The following CNTN5 variants were observed in gnomAD, a reference collection of about 807,000 sequenced individuals.
CNTN5 encodes the protein contactin 5, also known as contactin-5.
CNTN5 carries 77 observed loss-of-function variants against 129.1 expected under a neutral mutation model. That is an observed-to-expected ratio of 0.60 (90% confidence interval 0.50 to 0.72). The LOEUF (loss-of-function observed/expected upper bound fraction) is 0.72, where lower values mean the gene tolerates loss of function less well. Ranked by LOEUF, CNTN5 falls within the 30% of genes least tolerant of loss-of-function variation. CNTN5 has a pLI of 0.00. For synonymous variants in CNTN5, 509 were observed against 465.6 expected (o/e 1.09, Z -1.20); for missense variants, 1,478 against 1,328.8 (o/e 1.11, Z -1.75).
intron 3 of CNTN5, among the ~76,000 whole-genome samples, chr11:99,580,301 T>A (rs1949528769): frequency 6.6e-6 from 1 of 152,138 alleles, no homozygotes; most frequent in Admixed American, 6.5e-5. Context: ...CTTTTTTTGT[T>A]GTGTCTCTGC....
chr11:99,518,951 C>T (rs139407081), intron 2 of CNTN5, among the ~76,000 whole-genome samples: 1 of 152,002 alleles, frequency 6.6e-6, no homozygotes, highest in Admixed American at 6.6e-5. Flanking sequence ...CTTCTAATTT[C>T]TTCTTCATAC....
Position 99,943,321 on chromosome 11 carries a change from G to A in CNTN5, c.674-13485G>A, listed in dbSNP as rs138240383. Among the ~76,000 whole-genome samples, 1,117 of 152,134 alleles carry A rather than the reference G, an allele frequency of 7.3e-3. 15 individuals are homozygous for A. Among genetic ancestry groups the A allele is most frequent in the African/African-American group, 0.025 (1,044 of 41,492 alleles). On this transcript the variant is annotated intron_variant, in intron 7 of 24. Transcript: ENST00000524871. ...GCTTTTTTTCATATGTTTGTTGGCCGCATAAATGTCTTCTTCTGAGAAGTG... is the reference window on the plus strand; with the variant it reads ...GCTTTTTTTCATATGTTTGTTGGCCACATAAATGTCTTCTTCTGAGAAGTG...
chr11:100,227,453 AT>A (rs745869689), intron 16 of CNTN5, among the ~76,000 whole-genome samples: 1 of 151,924 alleles, frequency 6.6e-6, no homozygotes, highest in African/African-American at 2.4e-5. Flanking sequence ...TTTAAGGACT[AT>A]TTTTTCCTCA....
intron 1 of CNTN5, among the ~76,000 whole-genome samples, chr11:99,214,517 T>C (rs1335132680): frequency 2.0e-5 from 3 of 151,460 alleles, no homozygotes; most frequent in Non-Finnish European, 1.5e-5. Flanking sequence ...CTTTAATATG[T>C]GTAATAAATT....
At chr11:99,802,549 G>A (rs912633115) in intron 3 of CNTN5, among the ~76,000 whole-genome samples, 5 of 152,182 alleles carry the variant, frequency 3.3e-5, no homozygotes, top group African/African-American at 1.2e-4. Flanking sequence ...CTATGTACAA[G>A]GTTGGAGTCG....
intron 13 of CNTN5, among the ~76,000 whole-genome samples, chr11:100,139,221 G>C (rs948431830): frequency 6.6e-6 from 1 of 152,128 alleles, no homozygotes; most frequent in Non-Finnish European, 1.5e-5. Flanking sequence ...TCACCATATA[G>C]ATTATAATTA....
chr11:99,565,080 T>C (rs749485684), intron 3 of CNTN5, among the ~76,000 whole-genome samples: 5 of 152,206 alleles, frequency 3.3e-5, no homozygotes, highest in Non-Finnish European at 7.3e-5. Flanking sequence ...GAAATATAAA[T>C]TGTTCTTTAT....
intron 2 of CNTN5, among the ~76,000 whole-genome samples, chr11:99,385,579 T>C (rs1940877245): frequency 3.9e-5 from 6 of 152,176 alleles, no homozygotes; most frequent in Admixed American, 3.9e-4. Flanking sequence ...TATGACATAG[T>C]AGAGAGAGAA....
chr11:100,295,002 C>A (rs1213524161), intron 18 of CNTN5, among the ~76,000 whole-genome samples: 1 of 151,652 alleles, frequency 6.6e-6, no homozygotes, highest in Non-Finnish European at 1.5e-5. Context: ...CAACAAAACA[C>A]TGCGTGAGCT....
At chr11:100,315,073 A>C (rs1951550727) in intron 21 of CNTN5, among the ~76,000 whole-genome samples, 1 of 152,068 alleles carries the variant, frequency 6.6e-6, no homozygotes, top group African/African-American at 2.4e-5. Flanking sequence ...TTCAATCCTC[A>C]ACTAGGGTCT....
At chr11:99,624,531 A>G (rs1951062132) in intron 3 of CNTN5, among the ~76,000 whole-genome samples, 2 of 152,140 alleles carry the variant, frequency 1.3e-5, no homozygotes, top group Admixed American at 6.5e-5. Flanking sequence ...GTGAACATAA[A>G]ATTTGAGAAA....
intron 1 of CNTN5, among the ~76,000 whole-genome samples, chr11:99,084,343 T>C (rs1212618055): frequency 6.6e-6 from 1 of 152,238 alleles, no homozygotes; most frequent in Non-Finnish European, 1.5e-5. Context: ...GTTCATGTAT[T>C]AGAAATCCTA....
intron 20 of CNTN5, among the ~76,000 whole-genome samples, chr11:100,304,075 T>A (rs1023563807): frequency 6.6e-6 from 1 of 151,588 alleles, no homozygotes; most frequent in African/African-American, 2.4e-5. Flanking sequence ...CCATATTACA[T>A]GAAGAACTCC....
At chr11:100,201,603 A>C (rs917881448) in intron 15 of CNTN5, among the ~76,000 whole-genome samples, 2 of 151,764 alleles carry the variant, frequency 1.3e-5, no homozygotes, top group African/African-American at 4.8e-5. Context: ...ATAATTTTTC[A>C]ATATATCTCT....
intron 7 of CNTN5, among the ~76,000 whole-genome samples, chr11:99,931,307 A>C (rs1036959073): frequency 3.3e-5 from 5 of 152,230 alleles, no homozygotes; most frequent in Non-Finnish European, 5.9e-5. Context: ...TTTTTAAACT[A>C]TCTGACAAAA....
At chr11:99,815,764 G>T (rs1397222289) in intron 3 of CNTN5, among the ~76,000 whole-genome samples, 1 of 152,142 alleles carries the variant, frequency 6.6e-6, no homozygotes, top group African/African-American at 2.4e-5. Context: ...GTGGGTCTCT[G>T]TTGAGGATGA....
chr11:99,325,531 T>TG (rs2136009109), intron 2 of CNTN5, 47 bp downstream of exon 2: 1 of 152,224 alleles, frequency 6.6e-6, no homozygotes, highest in African/African-American at 2.4e-5. Flanking sequence ...AAAGACATGT[T>TG]GAAAAAAAAT....
intron 7 of CNTN5, among the ~76,000 whole-genome samples, chr11:99,932,943 C>A (rs2136081781): frequency 6.6e-6 from 1 of 152,256 alleles, no homozygotes; most frequent in South Asian, 2.1e-4. Context: ...TCTTATTTTT[C>A]CTACTCGATG....
chr11:99,974,944 C>G (rs1207735937), intron 8 of CNTN5, among the ~76,000 whole-genome samples: 7 of 152,100 alleles, frequency 4.6e-5, no homozygotes, highest in Admixed American at 3.9e-4. Flanking sequence ...TAAATGAAAG[C>G]CAACATAAAT....
Sources: allele counts gnomAD v4.1 joint callset (sites outside exome capture counted in the v4.1 genomes callset), GRCh38; gene constraint gnomAD v4.1.1; transcripts MANE v1.5; gene names NCBI Gene and HGNC (gene_info 2026-07-23, HGNC 2026-07-21).